Variants in STRADB observed in about 807,000 individuals in gnomAD.
STRADB encodes the protein STE20-related kinase adapter protein beta.
STRADB carries 34 observed loss-of-function variants against 52.1 expected under a neutral mutation model. The observed-to-expected ratio is 0.65, with a 90% CI of 0.50 to 0.87. The LOEUF is 0.87. Ranked by LOEUF, STRADB falls within the 40% of genes least tolerant of loss-of-function variation. STRADB has a pLI of 0.00. For synonymous variants in STRADB, 133 were observed against 174.5 expected (o/e 0.76, Z 1.87); for missense variants, 340 against 483.9 (o/e 0.70, Z 2.79).
At chr2:201,456,568 A>G (rs1351718349) in intron 2 of STRADB, among the ~76,000 whole-genome samples, 1 of 89,426 alleles carries the variant, frequency 1.1e-5, no homozygotes, top group African/African-American at 4.1e-5. Context: ...TTTGAATCGA[A>G]ATATTTACTT....
chr2:201,469,350 G>A (rs534129417), intron 3 of STRADB, among the ~76,000 whole-genome samples: 1 of 152,224 alleles, frequency 6.6e-6, no homozygotes, highest in African/African-American at 2.4e-5. Flanking sequence ...ACTGTATTCA[G>A]GTGCAAACCT....
chr2:201,475,507 C>A, intron 6 of STRADB, 112 bp from the exon 7 acceptor site: 2 of 1,297,446 alleles, frequency 1.5e-6, no homozygotes, highest in Non-Finnish European at 2.2e-6. Flanking sequence ...TTGGGTTAGA[C>A]TCCAAAAAGT....
intron 2 of STRADB, among the ~76,000 whole-genome samples, chr2:201,455,705 A>G (rs79015579): frequency 1.3e-5 from 2 of 148,310 alleles, no homozygotes; most frequent in Non-Finnish European, 3.0e-5. Context: ...TCCTGTCTCA[A>G]AAAAAAAAAA....
intron 3 of STRADB, among the ~76,000 whole-genome samples, chr2:201,467,567 C>T (rs554874055): frequency 5.3e-5 from 8 of 152,358 alleles, no homozygotes; most frequent in Non-Finnish European, 7.3e-5. Flanking sequence ...CAGCTCTTCT[C>T]GCTGAACAAT....
Position 201,480,570 on chromosome 2 carries a change from T to TG in STRADB, c.*396dup, listed in dbSNP as rs977572600. The TG allele has an allele frequency of 1.0e-6, 1 of 1,004,120 alleles. No homozygotes were observed. Among genetic ancestry groups the TG allele is most frequent in the African/African-American group, 1.7e-5 (1 of 57,536 alleles). The allele number at this position is 1,004,120 out of a possible 1,614,324, so 62.2% of individuals were successfully genotyped here. On this transcript the variant is annotated 3_prime_UTR_variant, in exon 12 of 12. Coordinates refer to ENST00000194530, the MANE Select transcript of STRADB (RefSeq NM_018571.6). Reference sequence around the variant, plus strand: ...CTCCCAGATTCTCTGGCCTTTTTAATGAGCTATTGTTAAACCAACAGGCTA... The same window carrying TG: ...CTCCCAGATTCTCTGGCCTTTTTAATGGAGCTATTGTTAAACCAACAGGCTA...
At chr2:201,476,411 C>T (rs887134561) in intron 7 of STRADB, among the ~76,000 whole-genome samples, 1 of 148,426 alleles carries the variant, frequency 6.7e-6, no homozygotes, top group Non-Finnish European at 1.5e-5. Flanking sequence ...TTCCAACACA[C>T]TATATTCTGG....
chr2:201,474,852 T>A, intron 6 of STRADB, 97 bp downstream of exon 6: 1 of 947,438 alleles, frequency 1.1e-6, no homozygotes, highest in South Asian at 1.7e-5. Context: ...ACATTTAATT[T>A]ATAAGTCTAA....
Position 201,478,481 on chromosome 2 carries a change from T to G in STRADB, c.950T>G (p.Leu317Arg). The change falls in exon 10 of 12, where the codon CTT (leucine) becomes CGT (arginine). Residue 317 changes from leucine (L) to arginine (R), a missense_variant. Physicochemically the swap from Leu to Arg is moderately radical, Grantham distance 102 (BLOSUM62 -2). Coordinates refer to ENST00000194530, the MANE Select transcript of STRADB (RefSeq NM_018571.6). The stretch of plus-strand genomic sequence containing the variant: ...GACTCTGGGATTGGAGAAAGTGTGC[T>G]TGTCTCCAGTGGAACTCACACAGTA... ...GVDSGIGESV[L>R]VSSGTHTVNS... 2 of 1,613,872 alleles carry G rather than the reference T, an allele frequency of 1.2e-6. No homozygotes were observed. Among genetic ancestry groups the G allele is most frequent in the Non-Finnish European group, 1.7e-6 (2 of 1,179,960 alleles).
At chr2:201,473,848 A>G (rs1449268550) in intron 5 of STRADB, among the ~76,000 whole-genome samples, 1 of 150,614 alleles carries the variant, frequency 6.6e-6, no homozygotes, top group Non-Finnish European at 1.5e-5. Context: ...CATTTTTTAT[A>G]TAAAGGGGGA....
chr2:201,468,723 T>C (rs2125678388), intron 3 of STRADB, among the ~76,000 whole-genome samples: 1 of 152,340 alleles, frequency 6.6e-6, no homozygotes, highest in East Asian at 1.9e-4. Context: ...CTGTGAATTA[T>C]AAGCCTTAGC....
chr2:201,456,207 CTT>C (rs1576550303), intron 2 of STRADB, among the ~76,000 whole-genome samples: 1 of 152,156 alleles, frequency 6.6e-6, no homozygotes, highest in East Asian at 1.9e-4. Flanking sequence ...TCCAGTAAAA[CTT>C]TACTCACAAA....
At chr2:201,462,348 A>G (rs1210189402) in intron 3 of STRADB, among the ~76,000 whole-genome samples, 2 of 152,030 alleles carry the variant, frequency 1.3e-5, no homozygotes, top group African/African-American at 4.8e-5. Flanking sequence ...TCTTTTTTTA[A>G]TCGATTCAGC....
At chr2:201,475,431 G>A (rs1952457006) in intron 6 of STRADB, among the ~76,000 whole-genome samples, 188 bp from the exon 7 acceptor site, 1 of 152,034 alleles carries the variant, frequency 6.6e-6, no homozygotes, top group Non-Finnish European at 1.5e-5. Context: ...AATCTCTAAA[G>A]TGTCATTACA....
At chr2:201,464,067 C>T (rs59354729) in intron 3 of STRADB, among the ~76,000 whole-genome samples, 8,605 of 152,070 alleles carry the variant, frequency 0.057, 547 homozygotes, top group East Asian at 0.26. Flanking sequence ...TCTGTCACTT[C>T]GGGATTGGTC....
At chr2:201,472,904 C>A in intron 4 of STRADB, 51 bp from the exon 5 acceptor site, 1 of 1,522,254 alleles carries the variant, frequency 6.6e-7, no homozygotes, top group South Asian at 1.4e-5. Context: ...TCTAAATTGT[C>A]AGTTTTTTTT....
chr2:201,464,899 G>A (rs1952274694), intron 3 of STRADB, among the ~76,000 whole-genome samples: 1 of 152,168 alleles, frequency 6.6e-6, no homozygotes, highest in African/African-American at 2.4e-5. Flanking sequence ...GCAGAGTCCT[G>A]CCTGGCTATT....
At chr2:201,475,354 T>A (rs1039440472) in intron 6 of STRADB, among the ~76,000 whole-genome samples, 6 of 151,848 alleles carry the variant, frequency 4.0e-5, no homozygotes, top group South Asian at 2.1e-4. Flanking sequence ...AAAAAAAAAA[T>A]ATATATATAT....
chr2:201,465,727 C>T (rs949477557), intron 3 of STRADB, among the ~76,000 whole-genome samples: 1 of 152,208 alleles, frequency 6.6e-6, no homozygotes, highest in African/African-American at 2.4e-5. Context: ...TTATTTAGGA[C>T]CCCAGAGGGC....
At chr2:201,464,621 G>C (rs569372032) in intron 3 of STRADB, among the ~76,000 whole-genome samples, 26 of 152,238 alleles carry the variant, frequency 1.7e-4, no homozygotes, top group Admixed American at 1.4e-3. Context: ...GGATACCAAG[G>C]GCTCTTCAGT....
Sources: gnomAD v4.1 joint callset for allele counts (sites outside exome capture counted in the v4.1 genomes callset) on GRCh38, gnomAD v4.1.1 for gene constraint, MANE v1.5 for transcripts, NCBI Gene and HGNC (gene_info 2026-07-23, HGNC 2026-07-21) for gene names.